The following NRXN1 variants were observed in gnomAD, a reference collection of about 807,000 sequenced individuals.
NRXN1 encodes neurexin 1.
NRXN1 carries 39 observed loss-of-function variants against 150.9 expected under a neutral mutation model. The observed-to-expected ratio is 0.26, with a 90% CI of 0.20 to 0.34. The LOEUF is 0.34. Among genes scored for constraint, NRXN1 ranks in the 10% least tolerant of loss-of-function variants. NRXN1 has a pLI of 1.00. For missense variants in NRXN1, 1,815 were observed against 1,949.9 expected, an observed-to-expected ratio of 0.93 and a Z score of 1.30; for synonymous variants, 924 against 757.0, an observed-to-expected ratio of 1.22 and a Z score of -3.62.
At chr2:50,254,457 C>T (rs542926851) in intron 17 of NRXN1, among the ~76,000 whole-genome samples, 8 of 151,488 alleles carry the variant, frequency 5.3e-5, no homozygotes, top group African/African-American at 1.9e-4. Context: ...CTTCTGCTAC[C>T]TTTTGGGTTT....
At chr2:50,739,255 G>A in intron 5 of NRXN1, 2 of 507,226 alleles carry the variant, frequency 3.9e-6, no homozygotes, top group South Asian at 1.4e-5. Flanking sequence ...TTTTATTAAT[G>A]AGACTTACTT....
At chr2:50,937,670 AATG>A (rs1482935264) in intron 2 of NRXN1, among the ~76,000 whole-genome samples, 1 of 152,164 alleles carries the variant, frequency 6.6e-6, no homozygotes, top group Admixed American at 6.5e-5. Flanking sequence ...AGATGATGAC[AATG>A]ATGATGATGC....
At position 50,466,452 on chromosome 2, in the gene NRXN1, G is replaced by T. The variant is rs769497848; in HGVS notation, c.3245-891C>A. 1.5e-5 allele frequency: 7 copies of T among 474,192 alleles called. No individual in the cohort carries two copies. The East Asian group carries it at 3.3e-4, about 22-fold the overall frequency. The allele number at this position is 474,192 out of a possible 1,614,324, so 29.4% of individuals were successfully genotyped here. A position where few individuals can be genotyped will look rare whatever the true frequency, so the allele number is the denominator to read the frequency against. ...TTCAGTCTTGTTATATACACACAGG[G>T]CTATCTACCTTGCAAGTCAGCTTTC... On this transcript the variant is annotated intron_variant, in intron 16 of 22. Coordinates refer to ENST00000401669, the MANE Select transcript of NRXN1 (RefSeq NM_001330078.2).
At chr2:50,747,909 T>A (rs911864380) in intron 5 of NRXN1, among the ~76,000 whole-genome samples, 1 of 152,090 alleles carries the variant, frequency 6.6e-6, no homozygotes, top group Admixed American at 6.6e-5. Flanking sequence ...TGGGATGTGA[T>A]CACCAAAAGT....
chr2:50,741,748 A>G (rs1354019576), intron 5 of NRXN1, among the ~76,000 whole-genome samples: 5 of 152,142 alleles, frequency 3.3e-5, no homozygotes, highest in African/African-American at 4.8e-5. Context: ...ACCTTAATGA[A>G]TAAAATGACA....
At chr2:50,054,932 A>G (rs761470592) in intron 20 of NRXN1, 23 bp downstream of exon 20, 1 of 1,445,006 alleles carries the variant, frequency 6.9e-7, no homozygotes. Flanking sequence ...TTTTTATTTG[A>G]AGTTTTAATC....
At chr2:49,979,007 AGGGGAAGGAGGTC>A (rs1334500283) in intron 21 of NRXN1, among the ~76,000 whole-genome samples, 1 of 152,138 alleles carries the variant, frequency 6.6e-6, no homozygotes, top group Non-Finnish European at 1.5e-5. Flanking sequence ...GGTAAGACTT[AGGGGAAGGAGGTC>A]GGGTGCGGGG....
intron 17 of NRXN1, among the ~76,000 whole-genome samples, chr2:50,350,083 T>C (rs1488518408): frequency 1.3e-5 from 2 of 152,172 alleles, no homozygotes; most frequent in Non-Finnish European, 2.9e-5. Context: ...ATTGCTCCCA[T>C]GGGGAAATAC....
intron 2 of NRXN1, among the ~76,000 whole-genome samples, chr2:50,974,366 C>G (rs1222070079): frequency 6.6e-6 from 1 of 152,110 alleles, no homozygotes; most frequent in African/African-American, 2.4e-5. Context: ...AAACCAGTAC[C>G]TGGGGATTGT....
At chr2:50,624,718 T>A (rs530636587) in intron 5 of NRXN1, 5 of 152,114 alleles carry the variant, frequency 3.3e-5, no homozygotes, top group Non-Finnish European at 7.4e-5. Flanking sequence ...TAGGGCTGGC[T>A]GTTATGACAC....
At chr2:50,872,566 G>T (rs892079967) in intron 5 of NRXN1, among the ~76,000 whole-genome samples, 1 of 151,688 alleles carries the variant, frequency 6.6e-6, no homozygotes, top group Non-Finnish European at 1.5e-5. Context: ...ATGCTAAATA[G>T]TCAGGTCTTT....
chr2:50,481,337 G>A (rs540694467), intron 15 of NRXN1, among the ~76,000 whole-genome samples: 37 of 152,170 alleles, frequency 2.4e-4, no homozygotes, highest in African/African-American at 8.7e-4. Flanking sequence ...TGAGACAACT[G>A]GTACAATAAG....
intron 17 of NRXN1, among the ~76,000 whole-genome samples, chr2:50,425,279 T>C (rs2084388008): frequency 6.6e-6 from 1 of 152,200 alleles, no homozygotes; most frequent in Admixed American, 6.5e-5. Context: ...CTCTGTTTTG[T>C]TGCCTTTCAA....
chr2:50,715,604 T>C lies in NRXN1; in HGVS notation c.833-91989A>G, dbSNP rs187921195. Among the ~76,000 whole-genome samples, 3 of 152,324 alleles carry C rather than the reference T, an allele frequency of 2.0e-5. No homozygotes were observed. The East Asian group carries it at 5.8e-4, about 29-fold the overall frequency. On this transcript the variant is annotated intron_variant, in intron 5 of 22. Transcript: ENST00000401669. ...ACCTAATTTCCCAGATATCTTTAAATACTTCTCACAATGAATTTCCATTCT... is the reference window on the plus strand; with the variant it reads ...ACCTAATTTCCCAGATATCTTTAAACACTTCTCACAATGAATTTCCATTCT...
chr2:50,495,544 A>C (rs908881556), intron 15 of NRXN1, among the ~76,000 whole-genome samples: 2 of 152,038 alleles, frequency 1.3e-5, no homozygotes, highest in African/African-American at 2.4e-5. Flanking sequence ...TAAGCTCTAT[A>C]ATAAGCTCCT....
intron 17 of NRXN1, among the ~76,000 whole-genome samples, chr2:50,382,655 A>T (rs1818713): frequency 0.53 from 80,875 of 151,936 alleles, 22,827 homozygotes; most frequent in East Asian, 0.8. Flanking sequence ...CCCTAGATAG[A>T]GAGTTATGAA....
chr2:50,495,383 GTGTGT>G (rs1558829204), intron 15 of NRXN1, among the ~76,000 whole-genome samples: 26 of 123,828 alleles, frequency 2.1e-4, no homozygotes, highest in African/African-American at 8.7e-4. Context: ...TGTGTGTGGT[GTGTGT>G]GTGTGTGTGT....
chr2:50,935,815 TAA>T, intron 2 of NRXN1, among the ~76,000 whole-genome samples: 1 of 151,612 alleles, frequency 6.6e-6, no homozygotes, highest in East Asian at 1.9e-4. Context: ...AATGATGAAA[TAA>T]AAAGTTTCAT....
chr2:50,457,805 T>A (rs571040210), intron 17 of NRXN1, among the ~76,000 whole-genome samples: 1 of 152,110 alleles, frequency 6.6e-6, no homozygotes, highest in African/African-American at 2.4e-5. Context: ...CCAGTTAATA[T>A]GGCTATTATA....
Sources: allele counts gnomAD v4.1 joint callset (sites outside exome capture counted in the v4.1 genomes callset), GRCh38; gene constraint gnomAD v4.1.1; transcripts MANE v1.5; gene names NCBI Gene and HGNC (gene_info 2026-07-23, HGNC 2026-07-21).